The following GALNT2 variants were observed in gnomAD, a reference collection of about 807,000 sequenced individuals.
The protein encoded by GALNT2 is polypeptide N-acetylgalactosaminyltransferase 2.
Under a neutral mutation model 81.4 loss-of-function variants are expected in GALNT2, and 31 were observed. The observed-to-expected ratio is 0.38, with a 90% CI of 0.29 to 0.51. The LOEUF is 0.51. GALNT2 is among the 20% of genes least tolerant of loss of function. The pLI is 0.87. For synonymous variants in GALNT2, 303 were observed against 287.4 expected, an observed-to-expected ratio of 1.05 and a Z score of -0.55; for missense variants, 629 against 765.7, an observed-to-expected ratio of 0.82 and a Z score of 2.11.
intron 2 of GALNT2, among the ~76,000 whole-genome samples, chr1:230,185,276 G>GTA (rs754318972): frequency 1.1e-3 from 123 of 110,530 alleles, no homozygotes; most frequent in Middle Eastern, 8.5e-3. Flanking sequence ...GTGCGTGCGT[G>GTA]TGTGTGTGTG....
intron 2 of GALNT2, among the ~76,000 whole-genome samples, chr1:230,201,751 T>A (rs1572081042): frequency 6.6e-6 from 1 of 152,200 alleles, no homozygotes; most frequent in Non-Finnish European, 1.5e-5. Flanking sequence ...TCCTGGCTGG[T>A]TCCTGAATGG....
chr1:230,249,120 T>C (rs1665462596), intron 8 of GALNT2, 64 bp from the exon 9 acceptor site: 3 of 1,398,188 alleles, frequency 2.1e-6, no homozygotes, highest in Non-Finnish European at 3.0e-6. Flanking sequence ...CTGTGAGGAA[T>C]GGGGGTGTCG....
intron 1 of GALNT2, among the ~76,000 whole-genome samples, chr1:230,106,890 C>A (rs528093854): frequency 1.1e-4 from 16 of 152,178 alleles, no homozygotes; most frequent in Non-Finnish European, 2.2e-4. Context: ...TTAAACAATG[C>A]TGTGAAAAGG....
At chr1:230,124,244 C>T (rs1661106813) in intron 1 of GALNT2, among the ~76,000 whole-genome samples, 1 of 152,114 alleles carries the variant, frequency 6.6e-6, no homozygotes, top group Admixed American at 6.5e-5. Context: ...TTATTTTCTT[C>T]TCTTTAATTT....
At chr1:230,082,984 G>T (rs1198925274) in intron 1 of GALNT2, among the ~76,000 whole-genome samples, 1 of 151,632 alleles carries the variant, frequency 6.6e-6, no homozygotes, top group African/African-American at 2.4e-5. Context: ...CAGGGCAGCT[G>T]GGATGAAACA....
intron 1 of GALNT2, among the ~76,000 whole-genome samples, chr1:230,157,311 T>TG (rs550167437): frequency 2.2e-4 from 34 of 152,216 alleles, no homozygotes; most frequent in South Asian, 8.3e-4. Flanking sequence ...GGAGTGGCTT[T>TG]GGGGGGAAAA....
At chr1:230,204,468 CCTTTTTATT>C (rs1160025582) in intron 3 of GALNT2, among the ~76,000 whole-genome samples, 2 of 152,186 alleles carry the variant, frequency 1.3e-5, no homozygotes, top group African/African-American at 4.8e-5. Context: ...CTTGCCCACC[CCTTTTTATT>C]CTTCAAAGAT....
At chr1:230,083,060 G>A (rs750722887) in intron 1 of GALNT2, among the ~76,000 whole-genome samples, 2 of 151,834 alleles carry the variant, frequency 1.3e-5, no homozygotes, top group Non-Finnish European at 2.9e-5. Flanking sequence ...GGATGATGGA[G>A]CAGGGAAGCC....
intron 1 of GALNT2, chr1:230,058,136 C>T (rs970416632): frequency 6.1e-5 from 28 of 455,684 alleles, no homozygotes; most frequent in South Asian, 2.6e-4. Flanking sequence ...GCTATGGGGG[C>T]GTCTTTAACC....
At chr1:230,181,553 G>C (rs539432017) in intron 2 of GALNT2, among the ~76,000 whole-genome samples, 1 of 149,620 alleles carries the variant, frequency 6.7e-6, no homozygotes, top group Admixed American at 6.7e-5. Context: ...AGTACCTTTC[G>C]TTTCCTTTTT....
chr1:230,237,839 C>A (rs1399242366), intron 6 of GALNT2, among the ~76,000 whole-genome samples: 2 of 149,152 alleles, frequency 1.3e-5, no homozygotes, highest in Non-Finnish European at 3.0e-5. Context: ...CTGGCACAGG[C>A]TTTAAAAAAA....
intron 2 of GALNT2, among the ~76,000 whole-genome samples, chr1:230,185,301 T>TGTGTGTGTGTGTGTGCGCGCGC (rs58770415): frequency 7.9e-6 from 1 of 126,012 alleles, no homozygotes; most frequent in Non-Finnish European, 1.8e-5. Context: ...TGTGTGTGTG[T>TGTGTGTGTGTGTGTGCGCGCGC]GCGCGCGTGT....
chr1:230,196,830 G>C (rs959060595), intron 2 of GALNT2, among the ~76,000 whole-genome samples: 1 of 152,148 alleles, frequency 6.6e-6, no homozygotes, highest in African/African-American at 2.4e-5. Context: ...GTAAAGGAAG[G>C]TGCCCATGGC....
At chr1:230,098,065 G>A (rs1384249685) in intron 1 of GALNT2, among the ~76,000 whole-genome samples, 1 of 152,144 alleles carries the variant, frequency 6.6e-6, no homozygotes, top group Non-Finnish European at 1.5e-5. Context: ...TAGAGATTTG[G>A]CATAACTTAG....
intron 3 of GALNT2, among the ~76,000 whole-genome samples, chr1:230,207,693 A>G (rs1305946608): frequency 1.3e-5 from 2 of 151,702 alleles, no homozygotes; most frequent in Non-Finnish European, 2.9e-5. Flanking sequence ...GGCTCAAGTG[A>G]TTCTCCTGCC....
intron 2 of GALNT2, among the ~76,000 whole-genome samples, chr1:230,180,171 G>A (rs1261628007): frequency 1.3e-5 from 2 of 152,046 alleles, no homozygotes; most frequent in Non-Finnish European, 2.9e-5. Context: ...CGCCCGCCTC[G>A]GCCTCCCAAA....
chr1:230,164,679 G>A (rs550945797), intron 1 of GALNT2, among the ~76,000 whole-genome samples: 1 of 151,924 alleles, frequency 6.6e-6, no homozygotes, highest in Non-Finnish European at 1.5e-5. Context: ...GACTACAGGC[G>A]CCCGCCACCA....
At chr1:230,151,752 A>G (rs975090129) in intron 1 of GALNT2, among the ~76,000 whole-genome samples, 6 of 147,312 alleles carry the variant, frequency 4.1e-5, no homozygotes, top group Non-Finnish European at 9.0e-5. Context: ...GAAAGAATTC[A>G]GAGCAAGTCC....
chr1:230,106,513 C>T (rs1253748636), intron 1 of GALNT2, among the ~76,000 whole-genome samples: 1 of 152,216 alleles, frequency 6.6e-6, no homozygotes, highest in African/African-American at 2.4e-5. Flanking sequence ...GCTTTAATTC[C>T]ATCTGTGAGG....
Sources: allele counts gnomAD v4.1 joint callset (sites outside exome capture counted in the v4.1 genomes callset), GRCh38; gene constraint gnomAD v4.1.1; transcripts MANE v1.5; gene names NCBI Gene and HGNC (gene_info 2026-07-23, HGNC 2026-07-21).